SH3D21: variants seen among roughly 807,000 people sequenced by gnomAD.
SH3D21 encodes manchette microtubule inner protein 1.
In SH3D21, 83 loss-of-function variants were observed where a neutral mutation model predicts 82.1. The ratio of observed to expected loss-of-function variants is 1.01; its 90% confidence interval spans 0.85 to 1.21. SH3D21 has a LOEUF of 1.21. SH3D21 is among the 50% of genes most tolerant of loss of function. The pLI, the probability that SH3D21 is intolerant of heterozygous loss-of-function variation, is 0.00. For missense variants in SH3D21, 980 were observed against 962.1 expected, an observed-to-expected ratio of 1.02 and a Z score of -0.25; for synonymous variants, 383 against 387.8, an observed-to-expected ratio of 0.99 and a Z score of 0.15.
rs181917224 is a variant in SH3D21, at chr1:36,310,234, G to A, written c.769+644G>A. Among the ~76,000 whole-genome samples, 1,029 of 152,292 alleles carry A rather than the reference G, an allele frequency of 6.8e-3. 14 individuals carry two copies. Among genetic ancestry groups the A allele is most frequent in the African/African-American group, 0.022 (932 of 41,548 alleles). ...CTCCCAAAGTGCTGGGACTACAAGCGTGAGCCACTGCGCCCAGCCTTATTT... is the reference window on the plus strand; with the variant it reads ...CTCCCAAAGTGCTGGGACTACAAGCATGAGCCACTGCGCCCAGCCTTATTT... On this transcript the variant is annotated intron_variant, in intron 10 of 15. Coordinates refer to ENST00000453908, the MANE Select transcript of SH3D21 (RefSeq NM_001162530.2).
rs913371873 is a variant in SH3D21, at chr1:36,308,186, G to T, written c.616G>T (p.Asp206Tyr). The change falls in exon 8 of 16, where the codon GAC becomes TAC. Residue 206 changes from aspartate (D) to tyrosine (Y), a missense_variant. By Grantham distance (160) the Asp-to-Tyr change is radical. Transcript: ENST00000453908. Reference sequence around the variant, plus strand: ...AGACGAGTTGGCGCTGCGGAGGGGGGACGTGGTAAAAGTACTCAGCAAGGT... The same window carrying T: ...AGACGAGTTGGCGCTGCGGAGGGGGTACGTGGTAAAAGTACTCAGCAAGGT... ...APDELALRRG[D>Y]VVKVLSKTTE... 33 of 1,545,180 alleles carry T rather than the reference G, an allele frequency of 2.1e-5. No homozygotes were observed. Among genetic ancestry groups the T allele is most frequent in the South Asian group, 9.7e-5 (8 of 82,886 alleles).
chr1:36,326,157 G>A (rs1236673346), downstream of SH3D21, among the ~76,000 whole-genome samples: 1 of 152,116 alleles, frequency 6.6e-6, no homozygotes, highest in African/African-American at 2.4e-5. Context: ...ATGGTGTGTG[G>A]GTGCAGGGGA....
In SH3D21 at chr1:36,306,969, T is replaced by A. The variant is rs1376946017; in HGVS notation, c.226+64T>A. The A allele has an allele frequency of 5.2e-6, 7 of 1,355,564 alleles. No homozygotes were observed. Among genetic ancestry groups the A allele is most frequent in the Non-Finnish European group, 5.7e-6 (6 of 1,046,574 alleles). The allele number at this position is 1,355,564 out of a possible 1,614,324, so 84.0% of individuals were successfully genotyped here. On this transcript the variant is annotated intron_variant, in intron 3 of 15. Coordinates refer to ENST00000453908, the MANE Select transcript of SH3D21 (RefSeq NM_001162530.2). This position sits in a 1 kb window ranked among gnomAD's most constrained non-coding sequence, Gnocchi z 4.5. ...GCACGGAGCCAGTGCGACCCCGGCG[T>A]CTCCGGCTCTTAGTGACGGGCGCGG...
At chr1:36,310,192 G>A (rs1256696278) in intron 10 of SH3D21, among the ~76,000 whole-genome samples, 1 of 151,990 alleles carries the variant, frequency 6.6e-6, no homozygotes, top group Non-Finnish European at 1.5e-5. Flanking sequence ...CTGACCTCGT[G>A]ATCCACCCGC....
At position 36,306,605 on chromosome 1, in the gene SH3D21, C is replaced by T. The variant is rs746978642; in HGVS notation, c.12C>T (p.Leu4=). 2.7e-4 allele frequency: 348 copies of T among 1,302,762 alleles called. No individual in the cohort carries two copies. The highest frequency in any genetic ancestry group is 3.3e-4 in the Non-Finnish European group (330 of 988,680). The allele number at this position is 1,302,762 out of a possible 1,614,324, so 80.7% of individuals were successfully genotyped here. MEV[L]VLAGYRAQKE... is the part of the protein sequence containing the mutation. ...CCCGTCTTCCGCCCGCAGAAGTCCTCGTCCTGGCCGGATACCGCGCGCAGA... is the reference window on the plus strand; with the variant it reads ...CCCGTCTTCCGCCCGCAGAAGTCCTTGTCCTGGCCGGATACCGCGCGCAGA... The change falls in exon 2 of 16, where the codon CTC becomes CTT. Residue 4 remains leucine (L), a synonymous_variant. Coordinates refer to ENST00000453908, the MANE Select transcript of SH3D21 (RefSeq NM_001162530.2). This position sits in a 1 kb window ranked among gnomAD's most constrained non-coding sequence, Gnocchi z 4.5.
chr1:36,319,973 A>G lies in SH3D21; in HGVS notation c.1310A>G (p.Glu437Gly). 1 of 1,614,090 alleles carries G rather than the reference A, an allele frequency of 6.2e-7. No homozygotes were observed. Among genetic ancestry groups the G allele is most frequent in the African/African-American group, 1.3e-5 (1 of 75,002 alleles). Residue 437 changes from glutamate (E) to glycine (G), a missense_variant, in exon 14 of 16, where the codon GAG becomes GGG. Physicochemically the swap from Glu to Gly is moderately conservative, Grantham distance 98. Transcript: ENST00000453908. ...SIPENSIIPE[E>G]TLTVDKPSTP... is the part of the protein sequence containing the mutation. Reference sequence around the variant, plus strand: ...CCAGAGAACTCCATCATCCCAGAGGAGACCCTGACTGTGGACAAACCCTCC... The same window carrying G: ...CCAGAGAACTCCATCATCCCAGAGGGGACCCTGACTGTGGACAAACCCTCC...
At chr1:36,314,531 C>CTG in intron 10 of SH3D21, among the ~76,000 whole-genome samples, 1 of 150,346 alleles carries the variant, frequency 6.7e-6, no homozygotes, top group South Asian at 2.1e-4. Flanking sequence ...TCTCAGCTCA[C>CTG]TGTAACCTCT....
chr1:36,319,041 T>C (rs758748539), intron 10 of SH3D21, 30 bp from the exon 11 acceptor site: 26 of 1,326,364 alleles, frequency 2.0e-5, no homozygotes, highest in Non-Finnish European at 2.8e-5. Flanking sequence ...GACTGTCAGA[T>C]GGATGAGTGC....
At chr1:36,328,232 G>A (rs1169395087), downstream of SH3D21, 4 of 430,490 alleles carry the variant, frequency 9.3e-6, no homozygotes, top group Non-Finnish European at 1.4e-5. Context: ...GGACTTGTGA[G>A]TGCTGGCATA....
At chr1:36,322,592 G>A (rs760727308), downstream of SH3D21, 45 of 1,566,814 alleles carry the variant, frequency 2.9e-5, 1 homozygote, top group South Asian at 2.4e-4. Flanking sequence ...TGCTGCGGGG[G>A]TCCCGGCGCT....
intron 10 of SH3D21, among the ~76,000 whole-genome samples, chr1:36,311,217 C>G (rs1220547166): frequency 6.7e-6 from 1 of 149,450 alleles, no homozygotes; most frequent in African/African-American, 2.5e-5. Flanking sequence ...CTGAGATTTG[C>G]TGTTTTTTGT....
downstream of SH3D21, among the ~76,000 whole-genome samples, chr1:36,329,952 G>T (rs1314853311): frequency 6.6e-6 from 1 of 152,122 alleles, no homozygotes; most frequent in Non-Finnish European, 1.5e-5. Flanking sequence ...CAGGGCTAAA[G>T]GCAACCCCCA....
At chr1:36,323,062 A>G, downstream of SH3D21, 1 of 1,594,512 alleles carries the variant, frequency 6.3e-7, no homozygotes, top group Non-Finnish European at 8.5e-7. Flanking sequence ...CAGCTCCCCT[A>G]CCAGCCTGCG....
At chr1:36,313,972 C>CTTTTTTTTTTCTTTTT in intron 10 of SH3D21, among the ~76,000 whole-genome samples, 1 of 36,784 alleles carries the variant, frequency 2.7e-5, no homozygotes, top group Non-Finnish European at 5.4e-5. Flanking sequence ...AACATATTTT[C>CTTTTTTTTTTCTTTTT]TTTTTTTTTT....
chr1:36,306,865 C>A lies in SH3D21; in HGVS notation c.186C>A (p.Gly62=), dbSNP rs757787363. The A allele has an allele frequency of 3.9e-6, 5 of 1,298,578 alleles. No homozygotes were observed. The highest frequency in any genetic ancestry group is 5.7e-5 in the East Asian group (1 of 17,582). 80.4% of individuals were successfully genotyped at this position (1,298,578 alleles called of 1,614,324 possible). The change falls in exon 3 of 16, where the codon GGC becomes GGA. Residue 62 remains glycine, a synonymous_variant. Coordinates refer to ENST00000453908, the MANE Select transcript of SH3D21 (RefSeq NM_001162530.2). This position sits in a 1 kb window ranked among gnomAD's most constrained non-coding sequence, Gnocchi z 4.5. ...AGGAGATCCCAGAGACCCTGCGGGG[C>A]TCCGGAGAGGCGCGGAGGCCGCGCT... is the stretch of plus-strand genomic sequence containing the variant. The part of the protein sequence containing the change: ...LVQEIPETLR[G]SGEARRPRCA...
Position 36,307,386 on chromosome 1 carries a change from C to T in SH3D21, c.345+101C>T. On this transcript the variant is annotated intron_variant, in intron 4 of 15. Coordinates refer to ENST00000453908, the MANE Select transcript of SH3D21 (RefSeq NM_001162530.2). This position sits in a 1 kb window ranked among gnomAD's most constrained non-coding sequence, Gnocchi z 5.4. ...AGGGTGTGGACGGTGGGAATGGCGA[C>T]GGTGCAGATACGGGGAAGCGCGGGA... is the stretch of plus-strand genomic sequence containing the variant. The T allele has an allele frequency of 6.6e-7, 1 of 1,513,722 alleles. No homozygotes were observed. Among genetic ancestry groups the T allele is most frequent in the Non-Finnish European group, 8.9e-7 (1 of 1,117,744 alleles). 93.8% of individuals were successfully genotyped at this position (1,513,722 alleles called of 1,614,324 possible).
Position 36,306,657 on chromosome 1 carries a change from G to A in SH3D21, c.64G>A (p.Gly22Arg), listed in dbSNP as rs1014195934. 10 of 1,299,982 alleles carry A rather than the reference G, an allele frequency of 7.7e-6. No individual in the cohort carries two copies. The highest frequency in any genetic ancestry group is 2.3e-5 in the Admixed American group (1 of 43,470). The allele number at this position is 1,299,982 out of a possible 1,614,324, so 80.5% of individuals were successfully genotyped here. A position where few individuals can be genotyped will look rare whatever the true frequency, so the allele number is the denominator to read the frequency against. Reference protein sequence around the residue: ...QKEDELSLAPGDVVRQVRWVP... With the variant: ...QKEDELSLAPRDVVRQVRWVP... Reference sequence around the variant, plus strand: ...GGAGGACGAGCTGAGTCTGGCGCCCGGGGACGTGGTCCGGCAGGTGCGCTG... The same window carrying A: ...GGAGGACGAGCTGAGTCTGGCGCCCAGGGACGTGGTCCGGCAGGTGCGCTG... Residue 22 changes from glycine (G) to arginine (R), a missense_variant, in exon 2 of 16, where the codon GGG (glycine) becomes AGG (arginine). Physicochemically the swap from Gly to Arg is moderately radical, Grantham distance 125 (BLOSUM62 -2). Coordinates refer to ENST00000453908, the MANE Select transcript of SH3D21 (RefSeq NM_001162530.2). The surrounding 1 kb of genome is among the most constrained non-coding windows in gnomAD (Gnocchi z 4.5).
chr1:36,322,323 C>T (rs749673139), downstream of SH3D21: 2 of 1,559,690 alleles, frequency 1.3e-6, no homozygotes, highest in Non-Finnish European at 1.7e-6. Flanking sequence ...GCCCAGGGTG[C>T]CCGTGGCCGT....
At chr1:36,313,967 A>ATTTTCT (rs1646290481) in intron 10 of SH3D21, among the ~76,000 whole-genome samples, 1 of 36,936 alleles carries the variant, frequency 2.7e-5, no homozygotes, top group Non-Finnish European at 6.3e-5. Flanking sequence ...TGCTGAACAT[A>ATTTTCT]TTTTCTTTTT....
Sources: gnomAD v4.1 joint callset for allele counts (sites outside exome capture counted in the v4.1 genomes callset) on GRCh38, gnomAD v4.1.1 for gene constraint, Gnocchi (gnomAD v3.1) non-coding constraint, MANE v1.5 for transcripts, NCBI Gene and HGNC (gene_info 2026-07-23, HGNC 2026-07-21) for gene names.